DNAH17: variants seen among roughly 807,000 people sequenced by gnomAD.
The protein encoded by DNAH17 is axonemal beta dynein heavy chain 17.
In DNAH17, 376 loss-of-function variants were observed where a neutral mutation model predicts 485.6. The observed-to-expected ratio is 0.77, with a 90% CI of 0.71 to 0.84. DNAH17 has a LOEUF of 0.84. DNAH17 is among the 40% of genes least tolerant of loss of function. The probability of loss-of-function intolerance (pLI) is 0.00; values close to 1 mark genes in which losing one functional copy is unlikely to be tolerated. For missense variants in DNAH17, 6,370 were observed against 5,839.3 expected (o/e 1.09, Z -2.96); for synonymous variants, 3,031 against 2,405.9 (o/e 1.26, Z -7.60).
At chr17:78,508,879 G>T (rs189999466) in intron 27 of DNAH17, among the ~76,000 whole-genome samples, 1 of 151,718 alleles carries the variant, frequency 6.6e-6, no homozygotes, top group Non-Finnish European at 1.5e-5. Flanking sequence ...ACAGCTCACC[G>T]CAGCCTCCAT....
chr17:78,425,652 G>T, intron 79 of DNAH17, 81 bp from the exon 80 acceptor site: 1 of 1,313,078 alleles, frequency 7.6e-7, no homozygotes, highest in Non-Finnish European at 1.0e-6. Context: ...TCTGAGCAGG[G>T]GTCACGCCAG....
intron 79 of DNAH17, 85 bp from the exon 80 acceptor site, chr17:78,425,656 A>G (rs1444997154): frequency 1.6e-6 from 2 of 1,262,470 alleles, no homozygotes; most frequent in Non-Finnish European, 2.2e-6. Flanking sequence ...AGCAGGGGTC[A>G]CGCCAGAACC....
Position 78,479,643 on chromosome 17 carries a change from A to ACTC in DNAH17, c.7753-12_7753-11insGAG. 3 of 1,611,916 alleles carry ACTC rather than the reference A, an allele frequency of 1.9e-6. No individual in the cohort carries two copies. Among genetic ancestry groups the ACTC allele is most frequent in the Non-Finnish European group, 2.5e-6 (3 of 1,179,620 alleles). On this transcript the variant is annotated splice_polypyrimidine_tract_variant and intron_variant, in intron 49 of 80. Transcript: ENST00000389840. ...CACGCAGAAATGGCGCTACCCCAAA[A>ACTC]CAACCAAACACTCCAGTCAGCCAGC... is the stretch of plus-strand genomic sequence containing the variant.
At chr17:78,450,981 G>A (rs1490099298) in intron 66 of DNAH17, 135 bp from the exon 67 acceptor site, 4 of 1,137,796 alleles carry the variant, frequency 3.5e-6, no homozygotes, top group Non-Finnish European at 5.0e-6. Flanking sequence ...TCCTGGAAGG[G>A]GCTGCAGAAG....
chr17:78,576,921 AG>A (rs1677873804), intron 1 of DNAH17, among the ~76,000 whole-genome samples: 1 of 152,130 alleles, frequency 6.6e-6, no homozygotes, highest in East Asian at 1.9e-4. Context: ...AGTTAACAAT[AG>A]GGTTGTCCCA....
rs141170112 is a variant in DNAH17 at position 78,480,896 on chromosome 17, A to G, written c.7650-110T>C. 4,218 of 758,054 alleles carry G rather than the reference A, an allele frequency of 5.6e-3. 119 individuals carry two copies. The African/African-American group carries it at 0.06, about 11-fold the overall frequency. 47.0% of individuals were successfully genotyped at this position (758,054 alleles called of 1,614,324 possible). A position where few individuals can be genotyped will look rare whatever the true frequency, so the allele number is the denominator to read the frequency against. Reference sequence around the variant, plus strand: ...CCTTATTATTATTTTTTTGAGACAGAGTCTCGCTCTGTTGCCCAGGCTGGA... The same window carrying G: ...CCTTATTATTATTTTTTTGAGACAGGGTCTCGCTCTGTTGCCCAGGCTGGA... On this transcript the variant is annotated intron_variant, in intron 48 of 80. Coordinates refer to ENST00000389840, the MANE Select transcript of DNAH17 (RefSeq NM_173628.4).
In DNAH17 at chr17:78,479,543, G is replaced by C; in HGVS notation, c.7842C>G (p.Phe2614Leu). The change falls in exon 50 of 81, where the codon TTC becomes TTG. Residue 2614 changes from phenylalanine (F) to leucine (L), a missense_variant. By Grantham distance (22) the Phe-to-Leu change is conservative. Transcript: ENST00000389840. ...TCTGGATAGCCATGGAGACCGAGCG[G>C]AAGGCCAGGTGCTGCGTCAGGATTG... Reference protein sequence around the residue: ...YNTILTQHLAFRSVSMAIQRI... With the variant: ...YNTILTQHLALRSVSMAIQRI... 1.2e-6 allele frequency: 2 copies of C among 1,613,690 alleles called. No individual in the cohort carries two copies. The highest frequency in any genetic ancestry group is 8.5e-7 in the Non-Finnish European group (1 of 1,179,886).
intron 50 of DNAH17, 106 bp downstream of exon 50, chr17:78,479,379 T>G (rs1371583009): frequency 5.2e-6 from 7 of 1,340,160 alleles, no homozygotes; most frequent in African/African-American, 1.5e-5. Context: ...AGATATTGAT[T>G]TAGAATTATA....
At chr17:78,551,440 G>A (rs1239527960) in intron 16 of DNAH17, 95 bp downstream of exon 16, 16 of 1,129,564 alleles carry the variant, frequency 1.4e-5, no homozygotes, top group Admixed American at 4.0e-5. Flanking sequence ...CCCACACATC[G>A]CAGCACTTTC....
chr17:78,542,078 A>T (rs944662703), intron 17 of DNAH17, among the ~76,000 whole-genome samples: 6 of 150,892 alleles, frequency 4.0e-5, no homozygotes, highest in Non-Finnish European at 8.8e-5. Context: ...ACTCATCATT[A>T]AAGTCCACAC....
Position 78,455,777 on chromosome 17 carries a change from C to G in DNAH17, c.10037G>C (p.Arg3346Thr). 6.2e-7 allele frequency: 1 copy of G among 1,613,520 alleles called. No homozygotes were observed. Among genetic ancestry groups the G allele is most frequent in the Non-Finnish European group, 8.5e-7 (1 of 1,179,708 alleles). The change falls in exon 63 of 81, where the codon AGG becomes ACG. Residue 3346 changes from arginine to threonine, a missense_variant. Physicochemically the swap from Arg to Thr is moderately conservative, Grantham distance 71. Coordinates refer to ENST00000389840, the MANE Select transcript of DNAH17 (RefSeq NM_173628.4). ...CCCACACAGCGTGACCCCCTGGCTCCTGAAGTTCTCCACAGACTCAGCCCA... is the reference window on the plus strand; with the variant it reads ...CCCACACAGCGTGACCCCCTGGCTCGTGAAGTTCTCCACAGACTCAGCCCA... Reference protein sequence around the residue: ...IRWAESVENFRSQGVTLCGDV... With the variant: ...IRWAESVENFTSQGVTLCGDV...
rs2086893057 is a variant in DNAH17, at chr17:78,437,644, G to A, written c.12030C>T (p.Thr4010=). The part of the protein sequence containing the change: ...ANLHKALDLF[T]QDTLEMCTKE... Reference sequence around the variant, plus strand: ...GCCCGAGCAGGCGTGGCCCTACCTGGGTGAACAGGTCCAGGGCCTTGTGCA... The same window carrying A: ...GCCCGAGCAGGCGTGGCCCTACCTGAGTGAACAGGTCCAGGGCCTTGTGCA... The change falls in exon 74 of 81, where the codon ACC becomes ACT. Residue 4010 remains threonine (T), a synonymous_variant. Transcript: ENST00000389840. 6.2e-7 allele frequency: 1 copy of A among 1,605,450 alleles called. No homozygotes were observed. The highest frequency in any genetic ancestry group is 1.3e-5 in the African/African-American group (1 of 74,944).
chr17:78,510,238 T>C, intron 27 of DNAH17, 146 bp downstream of exon 27: 1 of 1,126,750 alleles, frequency 8.9e-7, no homozygotes, highest in South Asian at 1.6e-5. Context: ...TTTTTAAGAT[T>C]TGTCACAGGT....
chr17:78,438,727 G>A (rs1389280135), intron 73 of DNAH17, among the ~76,000 whole-genome samples: 2 of 151,968 alleles, frequency 1.3e-5, no homozygotes, highest in African/African-American at 4.8e-5. Flanking sequence ...TCGAACTCCT[G>A]ACCTCAGGTG....
In DNAH17 at chr17:78,506,744, G is replaced by A. The variant is rs927215508; in HGVS notation, c.4779C>T (p.Leu1593=). The change falls in exon 30 of 81, where the codon CTC becomes CTT. Residue 1593 remains leucine (L), a synonymous_variant. Transcript: ENST00000389840. ...CCTCCACGGGGTCATTGCCATTGGA[G>A]AGAATGTCCAGGAGGTCAGCCGAGG... ...FVSSADLLDI[L]SNGNDPVEVS... The A allele has an allele frequency of 6.2e-7, 1 of 1,613,892 alleles. No individual in the cohort carries two copies. Among genetic ancestry groups the A allele is most frequent in the African/African-American group, 1.3e-5 (1 of 74,922 alleles).
rs370896419 is a variant in DNAH17 at position 78,460,293 on chromosome 17, C to T, written c.9340-36G>A. 58 of 1,493,580 alleles carry T rather than the reference C, an allele frequency of 3.9e-5. No homozygotes were observed. The Admixed American group carries it at 7.3e-4, about 19-fold the overall frequency. The allele number at this position is 1,493,580 out of a possible 1,614,324, so 92.5% of individuals were successfully genotyped here. A position where few individuals can be genotyped will look rare whatever the true frequency, so the allele number is the denominator to read the frequency against. On this transcript the variant is annotated intron_variant, in intron 58 of 80. Coordinates refer to ENST00000389840, the MANE Select transcript of DNAH17 (RefSeq NM_173628.4). ...GATGGACAGGAGAGGTTACTGCAGGCCTGTCCATGTGCCTGTGGGGGCGTG... is the reference window on the plus strand; with the variant it reads ...GATGGACAGGAGAGGTTACTGCAGGTCTGTCCATGTGCCTGTGGGGGCGTG...
chr17:78,510,727 G>T (rs1311350433), intron 26 of DNAH17: 6 of 532,714 alleles, frequency 1.1e-5, no homozygotes, highest in East Asian at 3.1e-5. Flanking sequence ...AGAGCAGAAC[G>T]CACCTGCACT....
At chr17:78,483,793 G>A (rs750168128) in intron 48 of DNAH17, among the ~76,000 whole-genome samples, 4 of 151,812 alleles carry the variant, frequency 2.6e-5, no homozygotes, top group Non-Finnish European at 4.4e-5. Flanking sequence ...TGAGCTACTT[G>A]CTTATTTTAA....
rs754000660 is a variant in DNAH17 at position 78,566,659 on chromosome 17, A to G, written c.1524T>C (p.Phe508=). ...QDLDRRLATI[F]CQGFDDCSCI... is the part of the protein sequence containing the mutation. The stretch of plus-strand genomic sequence containing the variant: ...AGCTGCAGTCATCAAATCCTTGGCA[A>G]AAGATCGTGGCCAGCCTCCTATCCA... The change falls in exon 11 of 81, where the codon TTT becomes TTC. Residue 508 remains phenylalanine (F), a synonymous_variant. Transcript: ENST00000389840. The G allele has an allele frequency of 3.5e-5, 57 of 1,611,192 alleles. No individual in the cohort carries two copies. The highest frequency in any genetic ancestry group is 2.5e-6 in the Non-Finnish European group (3 of 1,178,838).
Sources: allele counts gnomAD v4.1 joint callset (sites outside exome capture counted in the v4.1 genomes callset), GRCh38; gene constraint gnomAD v4.1.1; transcripts MANE v1.5; gene names NCBI Gene and HGNC (gene_info 2026-07-23, HGNC 2026-07-21).